Variants in DLG2 observed in about 807,000 individuals in gnomAD.
The protein encoded by DLG2 is disks large homolog 2.
In DLG2, 45 loss-of-function variants were observed where a neutral mutation model predicts 132.5. The observed-to-expected ratio is 0.34, with a 90% confidence interval of 0.27 to 0.44. DLG2 has a LOEUF of 0.44. DLG2 is among the 20% of genes least tolerant of loss of function. The pLI is 1.00. For synonymous variants in DLG2, 424 were observed against 419.6 expected (o/e 1.01, Z -0.13); for missense variants, 1,045 against 1,196.9 (o/e 0.87, Z 1.87).
chr11:83,768,508 C>T (rs530134123), intron 18 of DLG2, among the ~76,000 whole-genome samples: 42 of 152,304 alleles, frequency 2.8e-4, no homozygotes, highest in African/African-American at 9.6e-4. Flanking sequence ...ATTCTCACTT[C>T]GGTGGTAATC....
At position 85,521,213 on chromosome 11, in the gene DLG2, C is replaced by T. The variant is rs559689401; in HGVS notation, c.40+77444G>A. On this transcript the variant is annotated intron_variant, in intron 3 of 27. Coordinates refer to ENST00000376104, the MANE Select transcript of DLG2 (RefSeq NM_001142699.3). ...GGGACCTTGTAGGAGGTGATTAAAC[C>T]ATTGGAATGATTCCCCCATGCTGTT... Among the ~76,000 whole-genome samples the T allele has an allele frequency of 2.6e-5, 4 of 152,242 alleles. No individual in the cohort carries two copies. In the East Asian group the frequency reaches 7.7e-4, roughly 29 times the overall value.
intron 6 of DLG2, among the ~76,000 whole-genome samples, chr11:84,735,924 A>G (rs979067717): frequency 1.3e-5 from 2 of 151,934 alleles, no homozygotes; most frequent in African/African-American, 4.8e-5. Context: ...AATGCAATTT[A>G]TTATTTTTTC....
chr11:84,535,253 A>C lies in DLG2; in HGVS notation c.358-522T>G, dbSNP rs188798188. Among the ~76,000 whole-genome samples, 363 of 152,366 alleles carry C rather than the reference A, an allele frequency of 2.4e-3. 4 individuals carry two copies. Among genetic ancestry groups the C allele is most frequent in the African/African-American group, 8.1e-3 (336 of 41,594 alleles). On this transcript the variant is annotated intron_variant, in intron 6 of 27. Coordinates refer to ENST00000376104, the MANE Select transcript of DLG2 (RefSeq NM_001142699.3). Reference sequence around the variant, plus strand: ...CACCCACATTATTTGTATTAGACTCAAAGAGAAGACAAGCTTATCTTTCTT... The same window carrying C: ...CACCCACATTATTTGTATTAGACTCCAAGAGAAGACAAGCTTATCTTTCTT...
intron 11 of DLG2, among the ~76,000 whole-genome samples, chr11:84,038,163 C>A (rs2095925406): frequency 6.6e-6 from 1 of 151,744 alleles, no homozygotes; most frequent in African/African-American, 2.4e-5. Context: ...TTGTTCCCCT[C>A]TATGGCTTCT....
chr11:84,378,993 CAAA>C lies in DLG2; in HGVS notation c.520-127705_520-127703del. On this transcript the variant is annotated intron_variant, in intron 7 of 27. Transcript: ENST00000376104. ...AAAAACAAACATAAACAAACAATAA[CAAA>C]AAAAAAAAGAGTGTAAAGTTGTCCC... Among the ~76,000 whole-genome samples the C allele has an allele frequency of 2.8e-5, 4 of 141,016 alleles. 1 individual carries two copies. The highest frequency in any genetic ancestry group is 1.0e-4 in the African/African-American group (4 of 38,570). 92.5% of individuals were successfully genotyped at this position (141,016 alleles called of 152,430 possible). A position where few individuals can be genotyped will look rare whatever the true frequency, so the allele number is the denominator to read the frequency against.
At chr11:84,859,573 C>T (rs1171111844) in intron 6 of DLG2, among the ~76,000 whole-genome samples, 2 of 150,730 alleles carry the variant, frequency 1.3e-5, no homozygotes, top group African/African-American at 4.9e-5. Flanking sequence ...GTTAGAAGAT[C>T]AAAGGAAAGA....
Position 85,106,460 on chromosome 11 carries a change from T to C in DLG2, c.357+5201A>G, listed in dbSNP as rs527268289. 3.3e-5 allele frequency among the ~76,000 whole-genome samples: 5 copies of C among 152,086 alleles called. No homozygotes were observed. In the South Asian group the frequency reaches 1.0e-3, roughly 32 times the overall value. On this transcript the variant is annotated intron_variant, in intron 6 of 27. Transcript: ENST00000376104. ...TGTATATTAACTCCTAGAACCTTTT[T>C]CCAGAAAAGGTTCTCCTACACAGGT...
chr11:84,413,128 C>A (rs567857995), intron 7 of DLG2, among the ~76,000 whole-genome samples: 7 of 152,278 alleles, frequency 4.6e-5, no homozygotes, highest in African/African-American at 1.7e-4. Context: ...AAGTCACTGT[C>A]TCATTCACTG....
At chr11:83,797,018 G>A (rs2042986851) in intron 17 of DLG2, among the ~76,000 whole-genome samples, 1 of 152,142 alleles carries the variant, frequency 6.6e-6, no homozygotes, top group Non-Finnish European at 1.5e-5. Flanking sequence ...ATGAATGTTA[G>A]CAAGGTGAGG....
In DLG2 at chr11:83,993,105, T is replaced by C. The variant is rs527347799; in HGVS notation, c.920-12463A>G. ...AGCATGGAAAATATAGGCAGTTAGA[T>C]TGAATTGCCTTACATATTAATCTCT... On this transcript the variant is annotated intron_variant, in intron 11 of 27. Transcript: ENST00000376104. 3.3e-5 allele frequency among the ~76,000 whole-genome samples: 5 copies of C among 152,266 alleles called. No individual in the cohort carries two copies. The South Asian group carries it at 1.0e-3, about 32-fold the overall frequency.
At chr11:84,872,684 C>T (rs147589252) in intron 6 of DLG2, among the ~76,000 whole-genome samples, 61 of 152,250 alleles carry the variant, frequency 4.0e-4, no homozygotes, top group African/African-American at 1.4e-3. Flanking sequence ...ATAATGTGCC[C>T]GAATTTCACA....
chr11:84,170,277 TTAAAAA>T (rs1314109571), intron 8 of DLG2, among the ~76,000 whole-genome samples: 1 of 152,204 alleles, frequency 6.6e-6, no homozygotes, highest in Non-Finnish European at 1.5e-5. Flanking sequence ...TTTGCAAATT[TTAAAAA>T]TAATTTCCAA....
intron 22 of DLG2, among the ~76,000 whole-genome samples, chr11:83,474,818 A>T (rs958246): frequency 1.8e-3 from 269 of 152,086 alleles, no homozygotes; most frequent in African/African-American, 5.8e-3. Flanking sequence ...GAGCACATCA[A>T]GTTCCCATAA....
chr11:83,559,822 T>C (rs762748323), intron 19 of DLG2, among the ~76,000 whole-genome samples: 5 of 152,078 alleles, frequency 3.3e-5, no homozygotes, highest in South Asian at 2.1e-4. Context: ...AGCAGCCAAA[T>C]TGGATGCTAA....
rs375478478 is a variant in DLG2, at chr11:85,437,223, G to A, written c.41-151858C>T. Among the ~76,000 whole-genome samples, 59 of 151,946 alleles carry A rather than the reference G, an allele frequency of 3.9e-4. 1 individual carries two copies. The East Asian group carries it at 0.01, about 26-fold the overall frequency. ...ATGTGGGGCTTAAAACCTAGGTGAC[G>A]GGTTGATAGGTGCAGCAAACCACCA... On this transcript the variant is annotated intron_variant, in intron 3 of 27. Transcript: ENST00000376104.
At chr11:84,996,067 T>C (rs2057621972) in intron 6 of DLG2, among the ~76,000 whole-genome samples, 1 of 152,162 alleles carries the variant, frequency 6.6e-6, no homozygotes, top group Non-Finnish European at 1.5e-5. Context: ...AATTTTTTTT[T>C]TCTTTCTGGT....
intron 18 of DLG2, among the ~76,000 whole-genome samples, chr11:83,638,639 G>C (rs2065496838): frequency 6.6e-6 from 1 of 152,056 alleles, no homozygotes; most frequent in African/African-American, 2.4e-5. Context: ...CCCTCTACTT[G>C]TTATGAATTG....
intron 3 of DLG2, among the ~76,000 whole-genome samples, chr11:85,338,048 A>T (rs1416705715): frequency 1.3e-5 from 2 of 152,216 alleles, no homozygotes; most frequent in Non-Finnish European, 2.9e-5. Context: ...AATAAGAAAT[A>T]TAAGAGAGAC....
At chr11:85,301,127 G>A (rs1565291286) in intron 3 of DLG2, among the ~76,000 whole-genome samples, 1 of 152,064 alleles carries the variant, frequency 6.6e-6, no homozygotes. Context: ...CTTGAACCTG[G>A]GAGGCAGAGA....
Sources: gnomAD v4.1 joint callset for allele counts (sites outside exome capture counted in the v4.1 genomes callset) on GRCh38, gnomAD v4.1.1 for gene constraint, MANE v1.5 for transcripts, NCBI Gene and HGNC (gene_info 2026-07-23, HGNC 2026-07-21) for gene names.